SRFBP1: variants seen among roughly 807,000 people sequenced by gnomAD.
The protein encoded by SRFBP1 is serum response factor-binding protein 1.
A neutral mutation model predicts 45.5 loss-of-function variants in SRFBP1; 47 were observed. The ratio of observed to expected loss-of-function variants is 1.03; its 90% CI spans 0.82 to 1.32. The LOEUF is 1.32. Among genes scored for constraint, SRFBP1 ranks in the 40% most tolerant of loss-of-function variants. The pLI is 0.00. For missense variants in SRFBP1, 621 were observed against 484.6 expected (o/e 1.28, Z -2.64); for synonymous variants, 203 against 166.3 (o/e 1.22, Z -1.70).
chr5:121,979,012 C>G (rs991392327), intron 3 of SRFBP1, among the ~76,000 whole-genome samples: 3 of 152,184 alleles, frequency 2.0e-5, no homozygotes, highest in Non-Finnish European at 4.4e-5. Flanking sequence ...AGCTTACAAT[C>G]AGCAGTTAGG....
At chr5:122,066,877 C>G (rs530872632) in intron 2 of SRFBP1, 1 of 646,242 alleles carries the variant, frequency 1.5e-6, no homozygotes, top group South Asian at 1.9e-5. Flanking sequence ...AAGCAGCAAT[C>G]ATGTTGTGAA....
rs1056773978 is a variant in SRFBP1 at position 122,027,320 on chromosome 5, G to A, written c.*194G>A. 4.5e-5 allele frequency: 18 copies of A among 396,778 alleles called. No homozygotes were observed. The highest frequency in any genetic ancestry group is 2.7e-4 in the African/African-American group (13 of 48,398). 24.6% of individuals were successfully genotyped at this position (396,778 alleles called of 1,614,324 possible). A position where few individuals can be genotyped will look rare whatever the true frequency, so the allele number is the denominator to read the frequency against. ...GGACTGCAGGTGCATGCACTACCAT[G>A]CCCAGCTTTCTCACCCCAGGCTCTG... is the stretch of plus-strand genomic sequence containing the variant. On this transcript the variant is annotated 3_prime_UTR_variant, in exon 8 of 8. Transcript: ENST00000339397.
intron 2 of SRFBP1, among the ~76,000 whole-genome samples, chr5:122,071,524 C>T (rs10519694): frequency 0.2 from 30,861 of 152,062 alleles, 3,875 homozygotes; most frequent in Non-Finnish European, 0.26. Flanking sequence ...TAAATGAATG[C>T]CTTCTACAGG....
At chr5:121,962,756 T>G (rs938125685) in intron 1 of SRFBP1, among the ~76,000 whole-genome samples, 2 of 152,194 alleles carry the variant, frequency 1.3e-5, no homozygotes, top group Admixed American at 1.3e-4. Flanking sequence ...TCTGCTTCTA[T>G]TCAACAAAAT....
At chr5:121,973,953 A>G (rs1010783345) in intron 1 of SRFBP1, among the ~76,000 whole-genome samples, 1 of 151,852 alleles carries the variant, frequency 6.6e-6, no homozygotes, top group Non-Finnish European at 1.5e-5. Context: ...TATCTCGGGT[A>G]ATACTGTGAC....
intron 2 of SRFBP1, among the ~76,000 whole-genome samples, chr5:122,034,453 A>C (rs1053468506): frequency 2.0e-5 from 3 of 150,622 alleles, no homozygotes; most frequent in African/African-American, 4.9e-5. Context: ...CGCCCCCCCC[A>C]TTTTTTATTT....
At chr5:122,003,446 A>G (rs1196478855) in intron 4 of SRFBP1, among the ~76,000 whole-genome samples, 1 of 152,238 alleles carries the variant, frequency 6.6e-6, no homozygotes, top group East Asian at 1.9e-4. Flanking sequence ...AATAGTGCTA[A>G]TTAAATCAAA....
intron 4 of SRFBP1, among the ~76,000 whole-genome samples, chr5:122,003,620 T>C (rs185032246): frequency 1.3e-5 from 2 of 152,242 alleles, no homozygotes; most frequent in Admixed American, 1.3e-4. Context: ...TTTCATTTTG[T>C]TTTAGAACCT....
rs532072862 is a variant in SRFBP1, at chr5:121,972,556, C to CA, written c.37-1639dup. Among the ~76,000 whole-genome samples the CA allele has an allele frequency of 2.0e-4, 30 of 151,934 alleles. 1 individual carries two copies. Among genetic ancestry groups the CA allele is most frequent in the Admixed American group, 2.6e-4 (4 of 15,236 alleles). On this transcript the variant is annotated intron_variant, in intron 1 of 7. Coordinates refer to ENST00000339397, the MANE Select transcript of SRFBP1 (RefSeq NM_152546.3). ...TGTTGGCATATGACAATGAAGAACT[C>CA]AGAGTGTTTTTTTCATTCAGGACTA...
chr5:121,965,424 C>G (rs1752042039), intron 1 of SRFBP1, among the ~76,000 whole-genome samples: 1 of 152,144 alleles, frequency 6.6e-6, no homozygotes, highest in Admixed American at 6.5e-5. Context: ...CCAGTTTTCC[C>G]AACACCATCT....
At chr5:122,024,404 ATAG>A (rs1299809345) in intron 7 of SRFBP1, among the ~76,000 whole-genome samples, 3 of 152,302 alleles carry the variant, frequency 2.0e-5, no homozygotes, top group Non-Finnish European at 4.4e-5. Context: ...AGTATTATTC[ATAG>A]TAGACTACCT....
chr5:121,991,770 A>G (rs1752626168), intron 3 of SRFBP1, among the ~76,000 whole-genome samples: 2 of 152,154 alleles, frequency 1.3e-5, no homozygotes, highest in Non-Finnish European at 1.5e-5. Flanking sequence ...ATATTTGCTA[A>G]ACACAATTTT....
intron 2 of SRFBP1, among the ~76,000 whole-genome samples, chr5:122,040,872 T>C (rs1262270049): frequency 6.6e-6 from 1 of 152,170 alleles, no homozygotes; most frequent in African/African-American, 2.4e-5. Context: ...AGAGAGAACT[T>C]CTCTGACTTC....
At chr5:121,990,879 A>AATAT (rs1425761393) in intron 3 of SRFBP1, among the ~76,000 whole-genome samples, 9 of 152,186 alleles carry the variant, frequency 5.9e-5, no homozygotes, top group African/African-American at 2.2e-4. Flanking sequence ...AGCTGGTTAG[A>AATAT]ATATATGTAC....
intron 1 of SRFBP1, among the ~76,000 whole-genome samples, chr5:121,972,309 A>G (rs1752216565): frequency 6.6e-6 from 1 of 151,958 alleles, no homozygotes; most frequent in Non-Finnish European, 1.5e-5. Flanking sequence ...CATTCATGGT[A>G]GTAGAAAAAT....
chr5:122,076,780 T>C, downstream of SRFBP1: 1 of 851,082 alleles, frequency 1.2e-6, no homozygotes, highest in Non-Finnish European at 1.9e-6. Context: ...TTCCCAGCTC[T>C]TGTCCCACTT....
chr5:121,982,289 G>A (rs773463240), intron 3 of SRFBP1, among the ~76,000 whole-genome samples: 12 of 151,802 alleles, frequency 7.9e-5, no homozygotes, highest in African/African-American at 1.2e-4. Context: ...AAATCATAGC[G>A]CTATTTTAAA....
At chr5:122,022,646 C>T (rs190531788) in intron 7 of SRFBP1, among the ~76,000 whole-genome samples, 56 of 152,258 alleles carry the variant, frequency 3.7e-4, no homozygotes, top group Middle Eastern at 6.8e-3. Context: ...GTCTATTTAA[C>T]TTATCTCAAA....
rs184089968 is a variant in SRFBP1 at position 122,013,870 on chromosome 5, G to A, written c.271-5390G>A. Among the ~76,000 whole-genome samples the A allele has an allele frequency of 1.7e-3, 258 of 152,240 alleles. 2 individuals carry two copies. The highest frequency in any genetic ancestry group is 3.3e-3 in the East Asian group (17 of 5,186). ...AACTCATAGAAATAGTAGAATGGTC[G>A]TTACCAGAGGCTGGGGACAGGAGTA... On this transcript the variant is annotated intron_variant, in intron 4 of 7. Transcript: ENST00000339397.
Sources: gnomAD v4.1 joint callset for allele counts (sites outside exome capture counted in the v4.1 genomes callset) on GRCh38, gnomAD v4.1.1 for gene constraint, MANE v1.5 for transcripts, NCBI Gene and HGNC (gene_info 2026-07-23, HGNC 2026-07-21) for gene names.